Variants in SPOCK3 observed in about 807,000 individuals in gnomAD.
SPOCK3 encodes the protein SPARC (osteonectin), cwcv and kazal like domains proteoglycan 3.
A neutral mutation model predicts 56.6 loss-of-function variants in SPOCK3; 30 were observed. That is an observed-to-expected ratio of 0.53 (90% CI 0.40 to 0.72). The LOEUF is 0.72. SPOCK3 is among the 30% of genes least tolerant of loss of function. The pLI is 0.00. For synonymous variants in SPOCK3, 196 were observed against 183.3 expected (o/e 1.07, Z -0.56); for missense variants, 527 against 530.0 (o/e 0.99, Z 0.06).
At chr4:167,015,659 G>C in intron 3 of SPOCK3, among the ~76,000 whole-genome samples, 1 of 152,152 alleles carries the variant, frequency 6.6e-6, no homozygotes, top group South Asian at 2.1e-4. Context: ...AAAACAATCC[G>C]TTGGAAAGTA....
At chr4:166,746,940 G>A (rs959177757) in intron 8 of SPOCK3, among the ~76,000 whole-genome samples, 2 of 152,132 alleles carry the variant, frequency 1.3e-5, no homozygotes, top group African/African-American at 4.8e-5. Flanking sequence ...CCAGGAAGAA[G>A]TTGAATCCCT....
chr4:167,126,227 T>C (rs543844418), intron 2 of SPOCK3, among the ~76,000 whole-genome samples: 1 of 152,300 alleles, frequency 6.6e-6, no homozygotes, highest in South Asian at 2.1e-4. Flanking sequence ...ACAGTCTGAC[T>C]GGACAAGTCT....
intron 2 of SPOCK3, among the ~76,000 whole-genome samples, chr4:167,122,904 T>C (rs1761979826): frequency 6.6e-6 from 1 of 151,966 alleles, no homozygotes; most frequent in African/African-American, 2.4e-5. Flanking sequence ...AAAATAATAG[T>C]AGTACCAGCC....
At chr4:166,762,836 T>G (rs1454190030) in intron 7 of SPOCK3, among the ~76,000 whole-genome samples, 1 of 152,010 alleles carries the variant, frequency 6.6e-6, no homozygotes, top group African/African-American at 2.4e-5. Context: ...ATGAAAGACC[T>G]TATCCAAAAT....
intron 6 of SPOCK3, among the ~76,000 whole-genome samples, chr4:166,853,050 AT>A (rs1210679828): frequency 6.6e-6 from 1 of 151,862 alleles, no homozygotes; most frequent in African/African-American, 2.4e-5. Context: ...TTATGATGTG[AT>A]TTTTTTTCTT....
chr4:167,067,748 C>A (rs1756297985), intron 2 of SPOCK3, among the ~76,000 whole-genome samples: 1 of 151,678 alleles, frequency 6.6e-6, no homozygotes, highest in Admixed American at 6.6e-5. Context: ...AAATGAACAT[C>A]TTAGCAATAT....
At chr4:166,931,415 T>TA (rs202240788) in intron 4 of SPOCK3, among the ~76,000 whole-genome samples, 5 of 152,114 alleles carry the variant, frequency 3.3e-5, no homozygotes, top group South Asian at 2.1e-4. Flanking sequence ...CTGGTGCACA[T>TA]AAAAAAACAA....
intron 2 of SPOCK3, among the ~76,000 whole-genome samples, chr4:167,086,844 G>C (rs144086047): frequency 1.0e-3 from 154 of 152,188 alleles, no homozygotes; most frequent in African/African-American, 3.5e-3. Flanking sequence ...AGTTGACTGA[G>C]AAATATTTGA....
intron 2 of SPOCK3, chr4:167,119,765 G>A (rs752383901): frequency 7.3e-5 from 107 of 1,467,614 alleles, no homozygotes; most frequent in Non-Finnish European, 8.7e-5. Context: ...ACTATTTCAC[G>A]TTAACATATA....
At chr4:166,793,033 A>G (rs1741517366) in intron 6 of SPOCK3, among the ~76,000 whole-genome samples, 10 of 152,152 alleles carry the variant, frequency 6.6e-5, no homozygotes, top group Admixed American at 6.5e-4. Context: ...GGCTTAAAAT[A>G]TAGCATTCAA....
intron 8 of SPOCK3, among the ~76,000 whole-genome samples, chr4:166,750,701 A>G (rs1736262469): frequency 6.6e-6 from 1 of 152,158 alleles, no homozygotes; most frequent in Non-Finnish European, 1.5e-5. Flanking sequence ...AACAGTAACA[A>G]TGCACTTTTA....
intron 2 of SPOCK3, among the ~76,000 whole-genome samples, chr4:167,084,475 T>C (rs1008502509): frequency 1.3e-4 from 20 of 152,298 alleles, no homozygotes; most frequent in Non-Finnish European, 2.9e-5. Flanking sequence ...AATACACTGA[T>C]GTCAATGGAA....
chr4:166,865,957 G>C (rs1287512507), intron 6 of SPOCK3, among the ~76,000 whole-genome samples: 7 of 152,082 alleles, frequency 4.6e-5, no homozygotes, highest in Non-Finnish European at 1.0e-4. Context: ...AACTAAAGAA[G>C]ACCCCTTGTA....
In SPOCK3 at chr4:166,873,220, A is replaced by T. The variant is rs140316493; in HGVS notation, c.589+15910T>A. On this transcript the variant is annotated intron_variant, in intron 6 of 10. Coordinates refer to ENST00000357545, the MANE Select transcript of SPOCK3 (RefSeq NM_001040159.2). ...TGATGAAGAAGTTAAAAAAAAAAAA[A>T]AACATCAGTGGTTTCCAGGGCTTGG... 7.9e-4 allele frequency among the ~76,000 whole-genome samples: 120 copies of T among 152,170 alleles called. 2 individuals carry two copies. The East Asian group carries it at 0.014, about 17-fold the overall frequency.
rs575414011 is a variant in SPOCK3, at chr4:167,219,080, T to A, written c.189+14905A>T. 7.9e-5 allele frequency among the ~76,000 whole-genome samples: 12 copies of A among 152,234 alleles called. No homozygotes were observed. The South Asian group carries it at 2.5e-3, about 32-fold the overall frequency. On this transcript the variant is annotated intron_variant, in intron 2 of 10. Transcript: ENST00000357545. Reference sequence around the variant, plus strand: ...GAAAAATGTCTCAGGTAATACTAGGTTAATGCTGTTGATACAATGTTCTAG... The same window carrying A: ...GAAAAATGTCTCAGGTAATACTAGGATAATGCTGTTGATACAATGTTCTAG...
At position 166,886,445 on chromosome 4, in the gene SPOCK3, T is replaced by C. The variant is rs567808182; in HGVS notation, c.589+2685A>G. On this transcript the variant is annotated intron_variant, in intron 6 of 10. Transcript: ENST00000357545. ...TATCTACTTATGTAAAGTCAGAATC[T>C]AGGGTTTAAAACATGGAATTTATCT... 7.2e-5 allele frequency among the ~76,000 whole-genome samples: 11 copies of C among 152,208 alleles called. No individual in the cohort carries two copies. The South Asian group carries it at 2.1e-3, about 29-fold the overall frequency.
In SPOCK3 at chr4:167,099,501, T is replaced by A. The variant is rs181935833; in HGVS notation, c.190-36964A>T. Among the ~76,000 whole-genome samples, 355 of 152,058 alleles carry A rather than the reference T, an allele frequency of 2.3e-3. 2 individuals carry two copies. The highest frequency in any genetic ancestry group is 0.014 in the Middle Eastern group (4 of 294). On this transcript the variant is annotated intron_variant, in intron 2 of 10. Coordinates refer to ENST00000357545, the MANE Select transcript of SPOCK3 (RefSeq NM_001040159.2). ...ACGTGAAATTTAATACCTGCAAAAGTTGGAGATAATGAAAAACAAGCATAT... is the reference window on the plus strand; with the variant it reads ...ACGTGAAATTTAATACCTGCAAAAGATGGAGATAATGAAAAACAAGCATAT...
At chr4:166,779,973 GAA>G (rs1171348055) in intron 7 of SPOCK3, among the ~76,000 whole-genome samples, 1 of 152,036 alleles carries the variant, frequency 6.6e-6, no homozygotes, top group Non-Finnish European at 1.5e-5. Flanking sequence ...AAAAATAATT[GAA>G]AACTTTCAAC....
chr4:166,929,672 G>C (rs1014812584), intron 4 of SPOCK3, among the ~76,000 whole-genome samples: 5 of 152,060 alleles, frequency 3.3e-5, no homozygotes, highest in African/African-American at 1.2e-4. Flanking sequence ...GAGTGCTTTT[G>C]GGAGGTGTTG....
Sources: gnomAD v4.1 joint callset for allele counts (sites outside exome capture counted in the v4.1 genomes callset) on GRCh38, gnomAD v4.1.1 for gene constraint, MANE v1.5 for transcripts, NCBI Gene and HGNC (gene_info 2026-07-23, HGNC 2026-07-21) for gene names.